The following SH3PXD2A variants were observed in gnomAD, a reference collection of about 807,000 sequenced individuals.
SH3PXD2A encodes SH3 and PX domains 2A.
SH3PXD2A carries 32 observed loss-of-function variants against 115.2 expected under a neutral mutation model. That is an observed-to-expected ratio of 0.28 (90% CI 0.21 to 0.37). SH3PXD2A has a LOEUF of 0.37. Ranked by LOEUF, SH3PXD2A falls within the 10% of genes least tolerant of loss-of-function variation. SH3PXD2A has a pLI of 1.00. For synonymous variants in SH3PXD2A, 610 were observed against 629.1 expected (o/e 0.97, Z 0.45); for missense variants, 1,328 against 1,498.7 (o/e 0.89, Z 1.88).
At chr10:103,625,726 T>C (rs1378487135) in intron 9 of SH3PXD2A, among the ~76,000 whole-genome samples, 1 of 152,170 alleles carries the variant, frequency 6.6e-6, no homozygotes, top group African/African-American at 2.4e-5. Context: ...ACCCCGTCTC[T>C]ACTAAAAACA....
intron 5 of SH3PXD2A, among the ~76,000 whole-genome samples, chr10:103,711,835 G>A (rs998055918): frequency 3.3e-5 from 5 of 152,132 alleles, no homozygotes; most frequent in Non-Finnish European, 5.9e-5. Flanking sequence ...CGGGAGGATC[G>A]TTTGAAGCCA....
At chr10:103,692,362 G>A (rs1327971066) in intron 6 of SH3PXD2A, among the ~76,000 whole-genome samples, 1 of 141,334 alleles carries the variant, frequency 7.1e-6, no homozygotes, top group African/African-American at 2.5e-5. Context: ...GCGGGCCCTG[G>A]CACCTGTCAG....
In SH3PXD2A at chr10:103,724,293, G is replaced by T; in HGVS notation, c.375C>A (p.Pro125=). The part of the protein sequence containing the change: ...DEVFRFFEAR[P]EDVNPPKEDY... ...ACTCTTTTGGAGGGTTGACATCCTC[G>T]GGTCGAGCCTCGAAGAACCGGAAGA... Residue 125 remains proline, a synonymous_variant, in exon 5 of 15, where the codon CCC becomes CCA. Coordinates refer to ENST00000369774, the MANE Select transcript of SH3PXD2A (RefSeq NM_001394015.1). 1 of 1,576,576 alleles carries T rather than the reference G, an allele frequency of 6.3e-7. No homozygotes were observed. Among genetic ancestry groups the T allele is most frequent in the Non-Finnish European group, 8.6e-7 (1 of 1,163,932 alleles).
chr10:103,650,670 C>T (rs1371602537), intron 8 of SH3PXD2A, among the ~76,000 whole-genome samples: 3 of 152,180 alleles, frequency 2.0e-5, no homozygotes, highest in Non-Finnish European at 4.4e-5. Flanking sequence ...CTGGACCCAC[C>T]CAGTCCAGGC....
At chr10:103,789,591 C>T (rs116589857) in intron 2 of SH3PXD2A, among the ~76,000 whole-genome samples, 1,537 of 152,286 alleles carry the variant, frequency 0.01, 28 homozygotes, top group African/African-American at 0.035. Context: ...GATCCCCCTT[C>T]CCTTCATTCT....
chr10:103,826,993 A>G (rs1463186546), intron 1 of SH3PXD2A, among the ~76,000 whole-genome samples: 2 of 152,192 alleles, frequency 1.3e-5, no homozygotes, highest in African/African-American at 2.4e-5. Context: ...AGAGACCCAC[A>G]GGGCATGGAA....
At chr10:103,634,386 G>A (rs1421258524) in intron 8 of SH3PXD2A, among the ~76,000 whole-genome samples, 2 of 152,262 alleles carry the variant, frequency 1.3e-5, no homozygotes, top group East Asian at 3.8e-4. Context: ...AGGGCGGTCT[G>A]TGTTAGGCAC....
intron 8 of SH3PXD2A, among the ~76,000 whole-genome samples, chr10:103,639,608 TAAAAAAA>T (rs67918508): frequency 1.2e-5 from 1 of 85,848 alleles, no homozygotes; most frequent in African/African-American, 4.6e-5. Context: ...GACTCCGTCT[TAAAAAAA>T]AAAAAAAAAA....
chr10:103,725,618 G>C (rs1381399911), intron 4 of SH3PXD2A, among the ~76,000 whole-genome samples: 2 of 152,100 alleles, frequency 1.3e-5, no homozygotes, highest in Non-Finnish European at 2.9e-5. Flanking sequence ...CTTGAGGTCA[G>C]GAGTTGGAGA....
intron 2 of SH3PXD2A, among the ~76,000 whole-genome samples, chr10:103,800,981 C>G (rs952847653): frequency 1.3e-5 from 2 of 152,214 alleles, no homozygotes; most frequent in East Asian, 3.9e-4. Flanking sequence ...AGGCACACAG[C>G]ACCTCCCACC....
chr10:103,767,053 C>A (rs779778655), intron 3 of SH3PXD2A, 41 bp downstream of exon 3: 13 of 1,500,160 alleles, frequency 8.7e-6, no homozygotes, highest in Non-Finnish European at 1.0e-5. Context: ...TGGTCCTTCC[C>A]GGGTATCCCC....
At chr10:103,803,383 G>A (rs1208967772) in intron 1 of SH3PXD2A, among the ~76,000 whole-genome samples, 1 of 152,190 alleles carries the variant, frequency 6.6e-6, no homozygotes, top group Non-Finnish European at 1.5e-5. Context: ...ATGATACATT[G>A]TAAAACCATT....
At chr10:103,847,756 TG>T (rs1298582600) in intron 1 of SH3PXD2A, among the ~76,000 whole-genome samples, 1 of 152,082 alleles carries the variant, frequency 6.6e-6, no homozygotes, top group Non-Finnish European at 1.5e-5. Context: ...CTGGCCAACA[TG>T]GCAAAACCCC....
chr10:103,742,838 T>C lies in SH3PXD2A; in HGVS notation c.230-7030A>G, dbSNP rs545129049. Among the ~76,000 whole-genome samples the C allele has an allele frequency of 1.9e-4, 28 of 149,886 alleles. No individual in the cohort carries two copies. The South Asian group carries it at 5.7e-3, about 31-fold the overall frequency. ...GAAGCCGAGAGAATGGGGGGGCGGG[T>C]CCTTCTCTGGCTCTGAGGGCTGATG... On this transcript the variant is annotated intron_variant, in intron 3 of 14. Coordinates refer to ENST00000369774, the MANE Select transcript of SH3PXD2A (RefSeq NM_001394015.1).
At chr10:103,799,265 C>T (rs143721899) in intron 2 of SH3PXD2A, among the ~76,000 whole-genome samples, 1 of 152,210 alleles carries the variant, frequency 6.6e-6, no homozygotes, top group Non-Finnish European at 1.5e-5. Context: ...ATCCGCCATA[C>T]CAAAATCAGC....
In SH3PXD2A at chr10:103,613,063, G is replaced by A. The variant is rs1290516560; in HGVS notation, c.1048C>T (p.Leu350=). 2 of 1,614,184 alleles carry A rather than the reference G, an allele frequency of 1.2e-6. No individual in the cohort carries two copies. Among genetic ancestry groups the A allele is most frequent in the Non-Finnish European group, 1.7e-6 (2 of 1,179,994 alleles). ...IIGNIMEISN[L]LNKKASGDKE... ...TCCCCAGACGCCTTCTTGTTCAGCAGGTTGCTGATCTCCATGATGTTCCCA... is the reference window on the plus strand; with the variant it reads ...TCCCCAGACGCCTTCTTGTTCAGCAAGTTGCTGATCTCCATGATGTTCCCA... Residue 350 remains leucine (L), a synonymous_variant, in exon 12 of 15, where the codon CTG becomes TTG. Transcript: ENST00000369774.
At chr10:103,639,320 A>T (rs1256112479) in intron 8 of SH3PXD2A, among the ~76,000 whole-genome samples, 1 of 152,212 alleles carries the variant, frequency 6.6e-6, no homozygotes, top group Non-Finnish European at 1.5e-5. Flanking sequence ...GATGAAAATG[A>T]GGCATTCAAG....
intron 1 of SH3PXD2A, among the ~76,000 whole-genome samples, chr10:103,831,799 T>A (rs894748007): frequency 6.6e-6 from 1 of 152,204 alleles, no homozygotes; most frequent in African/African-American, 2.4e-5. Context: ...TCATGGCAGT[T>A]AGTAGTTATT....
intron 1 of SH3PXD2A, among the ~76,000 whole-genome samples, chr10:103,841,283 C>T (rs1041910718): frequency 4.6e-5 from 7 of 152,160 alleles, no homozygotes; most frequent in Admixed American, 3.9e-4. Flanking sequence ...CAGGAATTCA[C>T]GCCCCTACCT....
Sources: gnomAD v4.1 joint callset for allele counts (sites outside exome capture counted in the v4.1 genomes callset) on GRCh38, gnomAD v4.1.1 for gene constraint, MANE v1.5 for transcripts, NCBI Gene and HGNC (gene_info 2026-07-23, HGNC 2026-07-21) for gene names.